Variants in PCDH15 observed in about 807,000 individuals in gnomAD.
PCDH15 encodes protocadherin-15.
In PCDH15, 129 loss-of-function variants were observed where a neutral mutation model predicts 178.5. The observed-to-expected ratio is 0.72, with a 90% CI of 0.63 to 0.84. PCDH15 has a LOEUF of 0.84. Among genes scored for constraint, PCDH15 ranks in the 40% least tolerant of loss-of-function variants. The probability of loss-of-function intolerance (pLI) is 0.00; values close to 1 mark genes in which losing one functional copy is unlikely to be tolerated. For missense variants in PCDH15, 2,230 were observed against 2,099.9 expected, an observed-to-expected ratio of 1.06 and a Z score of -1.21; for synonymous variants, 800 against 732.0, an observed-to-expected ratio of 1.09 and a Z score of -1.50.
At chr10:55,161,612 T>G (rs1839069314) in intron 2 of PCDH15, among the ~76,000 whole-genome samples, 1 of 152,174 alleles carries the variant, frequency 6.6e-6, no homozygotes, top group African/African-American at 2.4e-5. Context: ...AGGAAGGTTA[T>G]AAAACAATGT....
chr10:54,549,443 T>C (rs1565569874), intron 2 of PCDH15, among the ~76,000 whole-genome samples: 1 of 151,968 alleles, frequency 6.6e-6, no homozygotes, highest in East Asian at 1.9e-4. Context: ...ATAGTTTTAA[T>C]AAATACAAAT....
chr10:55,084,215 C>T (rs752237700), intron 2 of PCDH15, among the ~76,000 whole-genome samples: 2 of 151,452 alleles, frequency 1.3e-5, no homozygotes, highest in South Asian at 2.1e-4. Flanking sequence ...CTATTGTAAA[C>T]AAAGTGGTAG....
At chr10:55,607,988 G>T (rs1431899864) in intron 2 of PCDH15, among the ~76,000 whole-genome samples, 1 of 151,990 alleles carries the variant, frequency 6.6e-6, no homozygotes, top group African/African-American at 2.4e-5. Context: ...TATAATTTGA[G>T]TCATTTATAA....
intron 2 of PCDH15, among the ~76,000 whole-genome samples, chr10:55,014,304 G>A (rs566129696): frequency 6.6e-6 from 1 of 152,150 alleles, no homozygotes; most frequent in Admixed American, 6.5e-5. Flanking sequence ...AAAATTAGGT[G>A]AGATGCAATA....
intron 1 of PCDH15, among the ~76,000 whole-genome samples, chr10:54,686,735 G>C (rs940855216): frequency 6.6e-6 from 1 of 151,996 alleles, no homozygotes; most frequent in Non-Finnish European, 1.5e-5. Flanking sequence ...TCTGAGTTCT[G>C]TATCATATTC....
chr10:53,938,782 A>G (rs780009143), intron 25 of PCDH15, 33 bp downstream of exon 25: 2 of 1,606,452 alleles, frequency 1.2e-6, no homozygotes, highest in Non-Finnish European at 1.7e-6. Context: ...ACACCATACA[A>G]TTCTGGTAAA....
At chr10:55,473,733 T>A (rs778128552) in intron 2 of PCDH15, among the ~76,000 whole-genome samples, 9 of 152,102 alleles carry the variant, frequency 5.9e-5, no homozygotes, top group Non-Finnish European at 8.8e-5. Flanking sequence ...CTAATCTGCC[T>A]CCAATAGCAT....
chr10:53,960,115 A>G (rs1225200724), intron 22 of PCDH15, among the ~76,000 whole-genome samples: 5 of 152,174 alleles, frequency 3.3e-5, no homozygotes, highest in Non-Finnish European at 7.4e-5. Context: ...TGATTAAAAA[A>G]CAACTACCAG....
At chr10:54,273,265 A>G (rs1350276781) in intron 8 of PCDH15, among the ~76,000 whole-genome samples, 1 of 152,128 alleles carries the variant, frequency 6.6e-6, no homozygotes, top group Non-Finnish European at 1.5e-5. Context: ...AGACTACTGA[A>G]TACAGCAAAA....
chr10:53,810,462 TA>T, intron 37 of PCDH15, 93 bp downstream of exon 37: 1 of 1,166,336 alleles, frequency 8.6e-7, no homozygotes, highest in Non-Finnish European at 1.3e-6. Flanking sequence ...AAGGAATTTC[TA>T]AAAGCTGAAA....
At chr10:54,216,433 T>C (rs2052077854) in intron 9 of PCDH15, among the ~76,000 whole-genome samples, 3 of 152,076 alleles carry the variant, frequency 2.0e-5, no homozygotes, top group South Asian at 4.1e-4. Flanking sequence ...CTCCAGCCTG[T>C]GCGACAGAGC....
At chr10:54,628,076 A>G (rs984920180) in intron 2 of PCDH15, among the ~76,000 whole-genome samples, 5 of 152,224 alleles carry the variant, frequency 3.3e-5, no homozygotes, top group African/African-American at 1.2e-4. Context: ...TAACAGGCTA[A>G]GTAATTTTTT....
chr10:55,399,637 T>C (rs1838017235), intron 2 of PCDH15, among the ~76,000 whole-genome samples: 1 of 152,084 alleles, frequency 6.6e-6, no homozygotes, highest in Admixed American at 6.6e-5. Context: ...CAATGCATAC[T>C]TGATTTAGTG....
intron 8 of PCDH15, among the ~76,000 whole-genome samples, chr10:54,250,241 T>C (rs1433347444): frequency 6.7e-6 from 1 of 150,364 alleles, no homozygotes; most frequent in African/African-American, 2.4e-5. Flanking sequence ...AACTCAATGA[T>C]GCCATGCTTC....
At chr10:55,256,028 C>A (rs1376863047) in intron 1 of PCDH15, among the ~76,000 whole-genome samples, 1 of 151,954 alleles carries the variant, frequency 6.6e-6, no homozygotes, top group Non-Finnish European at 1.5e-5. Flanking sequence ...CTTGCCCATG[C>A]CTATGTCCTG....
At chr10:55,507,328 A>C (rs913965432) in intron 2 of PCDH15, among the ~76,000 whole-genome samples, 5 of 151,484 alleles carry the variant, frequency 3.3e-5, no homozygotes, top group African/African-American at 1.2e-4. Flanking sequence ...CTACATCTGC[A>C]TGAACATGCA....
At position 55,272,587 on chromosome 10, in the gene PCDH15, C is replaced by T. The variant is rs886186284; in HGVS notation, c.-156+47012G>A. Among the ~76,000 whole-genome samples the T allele has an allele frequency of 3.3e-5, 5 of 151,490 alleles. No homozygotes were observed. The East Asian group carries it at 5.8e-4, about 18-fold the overall frequency. On this transcript the variant is annotated intron_variant, in intron 1 of 5. Coordinates refer to the PCDH15 transcript ENST00000458638. ...TAGTAGAGACGTGGTTTTACCATAC[C>T]GGCCAGGCTGGTCTTGAACTCCTGA...
rs771397199 is a variant in PCDH15 at position 55,421,256 on chromosome 10, A to C, written c.-156+206369T>G. ...CGAGGCAAGAAGATAAGACCATAAG[A>C]TTTACATTAAGAATTAAAAAAATTA... On this transcript the variant is annotated intron_variant, in intron 2 of 5. Coordinates refer to the PCDH15 transcript ENST00000613346. Among the ~76,000 whole-genome samples, 3 of 151,372 alleles carry C rather than the reference A, an allele frequency of 2.0e-5. No homozygotes were observed. The Admixed American group carries it at 2.0e-4, about 10-fold the overall frequency.
At chr10:55,364,825 C>G (rs1845315086) in intron 2 of PCDH15, among the ~76,000 whole-genome samples, 1 of 152,074 alleles carries the variant, frequency 6.6e-6, no homozygotes, top group Admixed American at 6.6e-5. Context: ...CAAGTTCACA[C>G]ATTCTGCCCT....
Sources: allele counts gnomAD v4.1 joint callset (sites outside exome capture counted in the v4.1 genomes callset), GRCh38; gene constraint gnomAD v4.1.1; transcripts MANE v1.5; gene names NCBI Gene and HGNC (gene_info 2026-07-23, HGNC 2026-07-21).